Variants in PRKG1 observed in about 807,000 individuals in gnomAD.
PRKG1 encodes the protein protein kinase cGMP-dependent 1.
Under a neutral mutation model 88.1 loss-of-function variants are expected in PRKG1, and 35 were observed. The observed-to-expected ratio is 0.40, with a 90% confidence interval of 0.30 to 0.53. The LOEUF (loss-of-function observed/expected upper bound fraction) is 0.53, where lower values mean the gene tolerates loss of function less well. Among genes scored for constraint, PRKG1 ranks in the 20% least tolerant of loss-of-function variants. The pLI, the probability that PRKG1 is intolerant of heterozygous loss-of-function variation, is 0.59. For missense variants in PRKG1, 540 were observed against 839.8 expected, an observed-to-expected ratio of 0.64 and a Z score of 4.41; for synonymous variants, 303 against 292.5, an observed-to-expected ratio of 1.04 and a Z score of -0.37.
intron 4 of PRKG1, among the ~76,000 whole-genome samples, chr10:51,904,745 G>T (rs1389407669): frequency 6.6e-6 from 1 of 152,022 alleles, no homozygotes; most frequent in Non-Finnish European, 1.5e-5. Flanking sequence ...AATAAATGCT[G>T]CTCAATGTTT....
At chr10:51,086,514 T>A (rs1274655232) in intron 1 of PRKG1, among the ~76,000 whole-genome samples, 1 of 152,190 alleles carries the variant, frequency 6.6e-6, no homozygotes, top group Non-Finnish European at 1.5e-5. Context: ...TTTAAATAAT[T>A]ATAATAACTT....
Position 51,183,125 on chromosome 10 carries a change from A to G in PRKG1, c.478+29795A>G, listed in dbSNP as rs529719338. 2.0e-5 allele frequency among the ~76,000 whole-genome samples: 3 copies of G among 152,310 alleles called. No homozygotes were observed. In the East Asian group the frequency reaches 5.8e-4, roughly 29 times the overall value. On this transcript the variant is annotated intron_variant, in intron 2 of 17. Coordinates refer to ENST00000373980, the MANE Select transcript of PRKG1 (RefSeq NM_006258.4). The stretch of plus-strand genomic sequence containing the variant: ...GCTAGATGGAAAGGGGCTTTTTGGT[A>G]GAAATATTCAAGTTATTATCAAGAA...
chr10:52,276,784 A>G (rs1564542537), intron 12 of PRKG1, among the ~76,000 whole-genome samples: 1 of 152,158 alleles, frequency 6.6e-6, no homozygotes, highest in East Asian at 1.9e-4. Context: ...GTCATTTCCA[A>G]TTCTAATAGT....
At chr10:51,024,364 T>A (rs923003399) in intron 1 of PRKG1, among the ~76,000 whole-genome samples, 1 of 152,206 alleles carries the variant, frequency 6.6e-6, no homozygotes, top group Non-Finnish European at 1.5e-5. Context: ...CCCTGGTCTG[T>A]ATCACAGGGA....
At chr10:51,390,652 T>A (rs1400946596) in intron 2 of PRKG1, among the ~76,000 whole-genome samples, 1 of 152,226 alleles carries the variant, frequency 6.6e-6, no homozygotes, top group Non-Finnish European at 1.5e-5. Flanking sequence ...ATTTACTTTC[T>A]TAAGGTGAGG....
intron 2 of PRKG1, among the ~76,000 whole-genome samples, chr10:51,238,231 G>T (rs1472519705): frequency 6.6e-6 from 1 of 152,082 alleles, no homozygotes; most frequent in Admixed American, 6.5e-5. Flanking sequence ...ATGTTGGTGG[G>T]CATCGAACTT....
intron 4 of PRKG1, among the ~76,000 whole-genome samples, chr10:51,819,780 A>G (rs1280417454): frequency 1.3e-5 from 2 of 152,184 alleles, no homozygotes; most frequent in East Asian, 1.9e-4. Flanking sequence ...TGGAATTTTC[A>G]TGAAGCTGAG....
intron 5 of PRKG1, among the ~76,000 whole-genome samples, chr10:52,021,202 G>C (rs1277232382): frequency 6.6e-6 from 1 of 152,214 alleles, no homozygotes; most frequent in East Asian, 1.9e-4. Context: ...AGTGTTACTA[G>C]AGCAGAGGTT....
At chr10:51,617,441 G>A (rs1449444652) in intron 3 of PRKG1, among the ~76,000 whole-genome samples, 2 of 152,122 alleles carry the variant, frequency 1.3e-5, no homozygotes, top group East Asian at 3.9e-4. Flanking sequence ...CCCCCAAGGT[G>A]CTGGTACCAG....
intron 5 of PRKG1, among the ~76,000 whole-genome samples, chr10:51,967,556 TA>T (rs1017856132): frequency 1.2e-3 from 169 of 140,758 alleles, no homozygotes; most frequent in East Asian, 3.2e-3. Flanking sequence ...ACCTAAAGTA[TA>T]AAAAAAAAAA....
chr10:52,254,915 C>G (rs186450935), intron 10 of PRKG1, among the ~76,000 whole-genome samples: 2 of 152,194 alleles, frequency 1.3e-5, no homozygotes, highest in East Asian at 3.9e-4. Flanking sequence ...CCTAAATACT[C>G]TCAGCATAAC....
chr10:51,933,753 G>A (rs4935292), intron 5 of PRKG1, among the ~76,000 whole-genome samples: 98,677 of 151,874 alleles, frequency 0.65, 32,350 homozygotes, highest in East Asian at 0.76. Context: ...ATTAGAATAT[G>A]TTTACCATTA....
chr10:51,937,069 T>C (rs1842813633), intron 5 of PRKG1, among the ~76,000 whole-genome samples: 1 of 151,990 alleles, frequency 6.6e-6, no homozygotes, highest in Admixed American at 6.6e-5. Context: ...AAAATTTAGC[T>C]TTACACTCTA....
chr10:52,271,824 T>G (rs1476929977), intron 11 of PRKG1, among the ~76,000 whole-genome samples: 1 of 152,078 alleles, frequency 6.6e-6, no homozygotes, highest in African/African-American at 2.4e-5. Flanking sequence ...CTATTTAACC[T>G]TTAATTATCT....
rs552825435 is a variant in PRKG1 at position 52,195,781 on chromosome 10, GAATT to G, written c.1076+33824_1076+33827del. ...TTAATTAAATATTTTTATCAATTTT[GAATT>G]AATTATATTTATGGATTAATTATCC... On this transcript the variant is annotated intron_variant, in intron 9 of 17. Transcript: ENST00000373980. 7.9e-5 allele frequency among the ~76,000 whole-genome samples: 12 copies of G among 151,902 alleles called. No homozygotes were observed. In the East Asian group the frequency reaches 2.1e-3, roughly 27 times the overall value.
At chr10:51,142,849 T>A (rs968140791) in intron 1 of PRKG1, among the ~76,000 whole-genome samples, 1 of 152,136 alleles carries the variant, frequency 6.6e-6, no homozygotes, top group Non-Finnish European at 1.5e-5. Context: ...TCTTCTAAAA[T>A]TTTTTAATTG....
chr10:52,193,557 A>AC (rs1564511327), intron 9 of PRKG1, among the ~76,000 whole-genome samples: 2 of 27,896 alleles, frequency 7.2e-5, no homozygotes, highest in Non-Finnish European at 2.2e-4. Context: ...TCAAAAAAAA[A>AC]AAAAACAAAA....
At chr10:51,523,385 T>C (rs1841788052) in intron 3 of PRKG1, among the ~76,000 whole-genome samples, 1 of 152,210 alleles carries the variant, frequency 6.6e-6, no homozygotes. Context: ...GGTTAGTCCA[T>C]ACTAAGCAGT....
At chr10:51,616,542 AG>A (rs1308715519) in intron 3 of PRKG1, among the ~76,000 whole-genome samples, 3 of 152,116 alleles carry the variant, frequency 2.0e-5, no homozygotes, top group Admixed American at 2.0e-4. Flanking sequence ...CTCAATCTCA[AG>A]CCCCAAAGAT....
Sources: allele counts gnomAD v4.1 joint callset (sites outside exome capture counted in the v4.1 genomes callset), GRCh38; gene constraint gnomAD v4.1.1; transcripts MANE v1.5; gene names NCBI Gene and HGNC (gene_info 2026-07-23, HGNC 2026-07-21).